Variants in DOCK5 observed in about 807,000 individuals in gnomAD.
The protein encoded by DOCK5 is dedicator of cytokinesis 5.
Under a neutral mutation model 251.8 loss-of-function variants are expected in DOCK5, and 142 were observed. The observed-to-expected ratio is 0.56, with a 90% CI of 0.49 to 0.65. The LOEUF is 0.65. DOCK5 is among the 30% of genes least tolerant of loss of function. The probability of loss-of-function intolerance (pLI) is 0.00; values close to 1 mark genes in which losing one functional copy is unlikely to be tolerated. For synonymous variants in DOCK5, 842 were observed against 835.5 expected (o/e 1.01, Z -0.13); for missense variants, 2,111 against 2,312.3 (o/e 0.91, Z 1.79).
Position 25,210,039 on chromosome 8 carries a change from T to TATAA in DOCK5, c.43+25088_43+25089insATAA, listed in dbSNP as rs1563309160. Among the ~76,000 whole-genome samples, 4 of 1,788 alleles carry TATAA rather than the reference T, an allele frequency of 2.2e-3. 1 individual carries two copies. Among genetic ancestry groups the TATAA allele is most frequent in the African/African-American group, 3.1e-3 (3 of 954 alleles). 1.2% of individuals were successfully genotyped at this position (1,788 alleles called of 152,430 possible). A position where few individuals can be genotyped will look rare whatever the true frequency, so the allele number is the denominator to read the frequency against. ...ATATATATATATATATATATAAATG[T>TATAA]GTGTGTGTGTGTGTGTGTGTGTGTG... On this transcript the variant is annotated intron_variant, in intron 1 of 51. Coordinates refer to ENST00000276440, the MANE Select transcript of DOCK5 (RefSeq NM_024940.8).
intron 30 of DOCK5, chr8:25,364,918 T>TAA: frequency 1.0e-5 from 4 of 390,940 alleles, no homozygotes; most frequent in Non-Finnish European, 1.4e-5. Flanking sequence ...GTAACATATG[T>TAA]AAAAAAAAAA....
At chr8:25,306,429 G>A (rs967466757) in intron 11 of DOCK5, among the ~76,000 whole-genome samples, 18 of 151,980 alleles carry the variant, frequency 1.2e-4, no homozygotes, top group Admixed American at 9.8e-4. Flanking sequence ...ATTTAGGTCC[G>A]GGCGCATAGG....
At chr8:25,337,645 G>C (rs1030606963) in intron 22 of DOCK5, among the ~76,000 whole-genome samples, 12 of 150,554 alleles carry the variant, frequency 8.0e-5, no homozygotes, top group African/African-American at 2.9e-4. Flanking sequence ...GAGTGCAGTG[G>C]TGTAATCTTG....
At chr8:25,261,582 C>T (rs183512571) in intron 2 of DOCK5, among the ~76,000 whole-genome samples, 12 of 152,224 alleles carry the variant, frequency 7.9e-5, no homozygotes, top group Non-Finnish European at 1.3e-4. Context: ...ATTCATCTGA[C>T]GGTGTCAATT....
At chr8:25,381,988 G>A (rs1183056920) in intron 39 of DOCK5, among the ~76,000 whole-genome samples, 1 of 152,092 alleles carries the variant, frequency 6.6e-6, no homozygotes, top group African/African-American at 2.4e-5. Flanking sequence ...GAACTACACA[G>A]TCCTTCTTTT....
chr8:25,296,980 T>C (rs555854954), intron 7 of DOCK5, among the ~76,000 whole-genome samples: 5 of 152,202 alleles, frequency 3.3e-5, no homozygotes, highest in Non-Finnish European at 5.9e-5. Context: ...TAATTATTAA[T>C]GGATGCATCT....
Position 25,351,736 on chromosome 8 carries a change from C to T in DOCK5, c.2760C>T (p.Ala920=). Residue 920 remains alanine (A), a synonymous_variant, in exon 27 of 52, where the codon GCC becomes GCT. Transcript: ENST00000276440. ...AAATCCTGTGTTCCCTGCAGGGTGC[C>T]ACTGCGGTGCACATTCAGCTTATAA... The part of the protein sequence containing the change: ...LEVLDRKDVG[A]TAVHIQLIME... 6.2e-7 allele frequency: 1 copy of T among 1,613,168 alleles called. No homozygotes were observed. The highest frequency in any genetic ancestry group is 8.5e-7 in the Non-Finnish European group (1 of 1,179,448).
At chr8:25,247,926 C>T (rs917169621) in intron 2 of DOCK5, among the ~76,000 whole-genome samples, 2 of 152,086 alleles carry the variant, frequency 1.3e-5, no homozygotes, top group Admixed American at 1.3e-4. Flanking sequence ...CCGCAAGAAA[C>T]CGCTCTTCTT....
intron 6 of DOCK5, among the ~76,000 whole-genome samples, chr8:25,295,430 A>G (rs1804594976): frequency 6.6e-6 from 1 of 152,176 alleles, no homozygotes; most frequent in Non-Finnish European, 1.5e-5. Context: ...CTTGAAGGGT[A>G]AGGAATGTAT....
intron 2 of DOCK5, among the ~76,000 whole-genome samples, chr8:25,244,959 C>T (rs990153974): frequency 6.6e-6 from 1 of 152,188 alleles, no homozygotes; most frequent in Non-Finnish European, 1.5e-5. Context: ...CAGGCCCAGC[C>T]AAAGCATCAA....
rs747293159 is a variant in DOCK5, at chr8:25,292,115, A to G, written c.413A>G (p.Lys138Arg). Residue 138 changes from lysine to arginine, a missense_variant, in exon 6 of 52, where the codon AAG becomes AGG. Lys to Arg is a conservative substitution (Grantham distance 26). Coordinates refer to ENST00000276440, the MANE Select transcript of DOCK5 (RefSeq NM_024940.8). ...RSQILSGTLP[K>R]DELAELKKKV... ...CAGATCCTGTCTGGGACGCTCCCCA[A>G]GGATGAACTGGCAGAGCTCAAGAAG... is the stretch of plus-strand genomic sequence containing the variant. 11 of 1,589,498 alleles carry G rather than the reference A, an allele frequency of 6.9e-6. No homozygotes were observed. The highest frequency in any genetic ancestry group is 3.6e-5 in the Admixed American group (2 of 56,290).
chr8:25,248,621 C>T (rs1037016806), intron 2 of DOCK5, among the ~76,000 whole-genome samples: 1 of 151,962 alleles, frequency 6.6e-6, no homozygotes, highest in African/African-American at 2.4e-5. Context: ...TTTTTTCTGC[C>T]CACCGCCCGG....
intron 16 of DOCK5, among the ~76,000 whole-genome samples, chr8:25,322,783 A>G (rs982288783): frequency 6.6e-6 from 1 of 152,208 alleles, no homozygotes; most frequent in African/African-American, 2.4e-5. Context: ...TAGCACCCAG[A>G]CAATCTGATT....
intron 45 of DOCK5, among the ~76,000 whole-genome samples, chr8:25,396,016 C>T (rs1246338787): frequency 6.6e-6 from 1 of 152,102 alleles, no homozygotes; most frequent in African/African-American, 2.4e-5. Context: ...GATTGGTGGA[C>T]CCCAGAACCC....
chr8:25,389,332 C>A, intron 41 of DOCK5, 100 bp downstream of exon 41: 1 of 1,419,228 alleles, frequency 7.0e-7, no homozygotes, highest in Non-Finnish European at 9.5e-7. Context: ...TCTCTGCAGA[C>A]ACACCATCTT....
chr8:25,384,431 T>A (rs1017197124), intron 40 of DOCK5, among the ~76,000 whole-genome samples: 1 of 132,744 alleles, frequency 7.5e-6, no homozygotes, highest in Non-Finnish European at 1.6e-5. Flanking sequence ...AATATTATTA[T>A]TTTATTTATT....
chr8:25,270,698 T>C (rs772568675), intron 3 of DOCK5: 3 of 558,744 alleles, frequency 5.4e-6, no homozygotes, highest in Non-Finnish European at 9.9e-6. Flanking sequence ...TTTCATAGAC[T>C]ACAGTATGTA....
chr8:25,313,112 C>A (rs1021148942), intron 13 of DOCK5, among the ~76,000 whole-genome samples: 1 of 152,172 alleles, frequency 6.6e-6, no homozygotes, highest in Non-Finnish European at 1.5e-5. Flanking sequence ...CTAGACCCAA[C>A]TCCCTGGGCT....
chr8:25,192,477 A>G lies in DOCK5; in HGVS notation c.43+7526A>G, dbSNP rs10102282. Among the ~76,000 whole-genome samples the G allele has an allele frequency of 3.8e-3, 575 of 152,258 alleles. 3 individuals are homozygous for G. Among genetic ancestry groups the G allele is most frequent in the African/African-American group, 0.011 (470 of 41,556 alleles). The stretch of plus-strand genomic sequence containing the variant: ...ACCACTGTGTAGCAGCTTCAGGGCT[A>G]TTGCTATACCCATTTCCATCTGTAT... On this transcript the variant is annotated intron_variant, in intron 1 of 51. Transcript: ENST00000276440.
Sources: allele counts gnomAD v4.1 joint callset (sites outside exome capture counted in the v4.1 genomes callset), GRCh38; gene constraint gnomAD v4.1.1; transcripts MANE v1.5; gene names NCBI Gene and HGNC (gene_info 2026-07-23, HGNC 2026-07-21).